Variants in CNTN5 observed in about 807,000 individuals in gnomAD.
CNTN5 encodes contactin 5, also known as contactin-5.
A neutral mutation model predicts 129.1 loss-of-function variants in CNTN5; 77 were observed. The observed-to-expected ratio is 0.60, with a 90% CI of 0.50 to 0.72. The LOEUF is 0.72. Ranked by LOEUF, CNTN5 falls within the 30% of genes least tolerant of loss-of-function variation. The probability of loss-of-function intolerance (pLI) is 0.00; values close to 1 mark genes in which losing one functional copy is unlikely to be tolerated. For synonymous variants in CNTN5, 509 were observed against 465.6 expected (o/e 1.09, Z -1.20); for missense variants, 1,478 against 1,328.8 (o/e 1.11, Z -1.75).
intron 1 of CNTN5, among the ~76,000 whole-genome samples, chr11:99,303,833 A>G (rs1864751751): frequency 6.6e-6 from 1 of 152,110 alleles, no homozygotes; most frequent in Non-Finnish European, 1.5e-5. Context: ...TGAGGACATC[A>G]CCTCATTCCC....
intron 1 of CNTN5, among the ~76,000 whole-genome samples, chr11:99,255,245 A>G (rs1239368559): frequency 6.6e-6 from 1 of 151,888 alleles, no homozygotes; most frequent in South Asian, 2.1e-4. Flanking sequence ...TTTTTAAAAT[A>G]TATCCAGAAA....
At chr11:99,558,302 A>T (rs1452242631) in intron 3 of CNTN5, 2 of 418,700 alleles carry the variant, frequency 4.8e-6, no homozygotes, top group African/African-American at 4.1e-5. Flanking sequence ...ACTGAAGGAG[A>T]TGGAGGTAGG....
At chr11:100,157,311 A>C (rs565067650) in intron 13 of CNTN5, among the ~76,000 whole-genome samples, 99 of 152,062 alleles carry the variant, frequency 6.5e-4, no homozygotes, top group African/African-American at 1.7e-3. Flanking sequence ...TTGTAGTTTT[A>C]TATCATGATA....
intron 7 of CNTN5, among the ~76,000 whole-genome samples, chr11:99,919,570 T>C (rs1240577424): frequency 6.6e-6 from 1 of 152,148 alleles, no homozygotes; most frequent in African/African-American, 2.4e-5. Context: ...TATTTTTGTC[T>C]CTACTCTCTT....
At chr11:99,424,949 C>T (rs1256133647) in intron 2 of CNTN5, among the ~76,000 whole-genome samples, 2 of 152,182 alleles carry the variant, frequency 1.3e-5, no homozygotes, top group Non-Finnish European at 2.9e-5. Flanking sequence ...TGGGTTGCTC[C>T]TTTCCACAGG....
intron 13 of CNTN5, among the ~76,000 whole-genome samples, chr11:100,175,481 T>C (rs1157130510): frequency 6.6e-6 from 1 of 152,140 alleles, no homozygotes; most frequent in Non-Finnish European, 1.5e-5. Context: ...ATCTATAAAA[T>C]ACAGTGATTC....
At chr11:99,301,060 A>C (rs1457949916) in intron 1 of CNTN5, among the ~76,000 whole-genome samples, 1 of 151,856 alleles carries the variant, frequency 6.6e-6, no homozygotes, top group Non-Finnish European at 1.5e-5. Flanking sequence ...ATTGGATTGC[A>C]CTGAGATGTT....
chr11:99,190,975 G>A (rs1476789557), intron 1 of CNTN5, among the ~76,000 whole-genome samples: 1 of 151,510 alleles, frequency 6.6e-6, no homozygotes, highest in African/African-American at 2.4e-5. Flanking sequence ...TGTTAGCTGT[G>A]TTTACCATAT....
intron 1 of CNTN5, among the ~76,000 whole-genome samples, chr11:99,093,396 C>T (rs931327736): frequency 1.3e-5 from 2 of 150,770 alleles, no homozygotes; most frequent in African/African-American, 2.4e-5. Context: ...CTCTGTTGTA[C>T]GCTGGACAAC....
At chr11:100,006,788 T>G (rs1380460838) in intron 9 of CNTN5, among the ~76,000 whole-genome samples, 3 of 152,098 alleles carry the variant, frequency 2.0e-5, no homozygotes, top group African/African-American at 7.2e-5. Context: ...TGGCGAATCC[T>G]CTCTAGAAGG....
intron 3 of CNTN5, among the ~76,000 whole-genome samples, chr11:99,607,923 G>T (rs1950473716): frequency 8.6e-6 from 1 of 115,928 alleles, no homozygotes; most frequent in African/African-American, 3.4e-5. Context: ...ACACAGGAAG[G>T]GGAATATCAC....
intron 1 of CNTN5, among the ~76,000 whole-genome samples, chr11:99,132,176 A>C (rs1429999244): frequency 6.7e-6 from 1 of 148,170 alleles, no homozygotes; most frequent in Non-Finnish European, 1.5e-5. Flanking sequence ...AGACGCAGGA[A>C]AGGCCTTGGA....
chr11:99,166,132 G>A (rs1382974607), intron 1 of CNTN5, among the ~76,000 whole-genome samples: 2 of 152,086 alleles, frequency 1.3e-5, no homozygotes, highest in Non-Finnish European at 2.9e-5. Context: ...GACTGGGCAC[G>A]ATGGCTCACG....
At chr11:99,797,373 T>C (rs1244642933) in intron 3 of CNTN5, among the ~76,000 whole-genome samples, 6 of 152,158 alleles carry the variant, frequency 3.9e-5, no homozygotes, top group South Asian at 2.1e-4. Context: ...CTGCCAATAG[T>C]GTATAAGTGT....
chr11:100,276,855 T>G lies in CNTN5; in HGVS notation c.2314+5614T>G, dbSNP rs1294900037. On this transcript the variant is annotated intron_variant, in intron 18 of 24. Coordinates refer to ENST00000524871, the MANE Select transcript of CNTN5 (RefSeq NM_014361.4). ...TGGTCAGTTTAAAATGTACAATTAATTTTTTTTTTTTACTATAGTCACCCT... is the reference window on the plus strand; with the variant it reads ...TGGTCAGTTTAAAATGTACAATTAAGTTTTTTTTTTTACTATAGTCACCCT... Among the ~76,000 whole-genome samples the G allele has an allele frequency of 2.2e-5, 3 of 135,106 alleles. No homozygotes were observed. In the South Asian group the frequency reaches 7.3e-4, roughly 33 times the overall value. The allele number at this position is 135,106 out of a possible 152,430, so 88.6% of individuals were successfully genotyped here.
At chr11:99,782,485 TTC>T (rs1407978215) in intron 3 of CNTN5, among the ~76,000 whole-genome samples, 2 of 151,240 alleles carry the variant, frequency 1.3e-5, no homozygotes, top group Non-Finnish European at 2.9e-5. Flanking sequence ...TACTTTCAAG[TTC>T]ATATGGAACC....
At chr11:99,334,814 A>T (rs956596974) in intron 2 of CNTN5, among the ~76,000 whole-genome samples, 1 of 112,292 alleles carries the variant, frequency 8.9e-6, no homozygotes, top group Non-Finnish European at 1.8e-5. Flanking sequence ...AACAAAATAT[A>T]TTTTTTAAAA....
intron 13 of CNTN5, among the ~76,000 whole-genome samples, chr11:100,142,080 C>A (rs1405796706): frequency 2.0e-5 from 3 of 152,108 alleles, no homozygotes; most frequent in Non-Finnish European, 2.9e-5. Flanking sequence ...GAACGCCAGG[C>A]TCTCTGGCCT....
intron 3 of CNTN5, among the ~76,000 whole-genome samples, chr11:99,775,525 T>TA (rs1945093744): frequency 6.6e-6 from 1 of 151,978 alleles, no homozygotes; most frequent in South Asian, 2.1e-4. Flanking sequence ...CTCATAACTT[T>TA]AAAAAACAAA....
Sources: allele counts gnomAD v4.1 joint callset (sites outside exome capture counted in the v4.1 genomes callset), GRCh38; gene constraint gnomAD v4.1.1; transcripts MANE v1.5; gene names NCBI Gene and HGNC (gene_info 2026-07-23, HGNC 2026-07-21).